LRP5: variants seen among roughly 807,000 people sequenced by gnomAD.
LRP5 encodes the protein low-density lipoprotein receptor-related protein 5.
In LRP5, 62 loss-of-function variants were observed where a neutral mutation model predicts 154.1. The ratio of observed to expected loss-of-function variants is 0.40; its 90% CI spans 0.33 to 0.50. The LOEUF is 0.50. Ranked by LOEUF, LRP5 falls within the 20% of genes least tolerant of loss-of-function variation. The pLI, the probability that LRP5 is intolerant of heterozygous loss-of-function variation, is 0.55. For missense variants in LRP5, 1,915 were observed against 2,336.7 expected, an observed-to-expected ratio of 0.82 and a Z score of 3.72; for synonymous variants, 966 against 1,011.5, an observed-to-expected ratio of 0.96 and a Z score of 0.85.
chr11:68,372,218 G>T (rs1306422970), intron 5 of LRP5, among the ~76,000 whole-genome samples: 1 of 151,902 alleles, frequency 6.6e-6, no homozygotes, highest in Non-Finnish European at 1.5e-5. Context: ...ACCCGGGACC[G>T]TGGCGGTGAG....
the LRP5 span, among the ~76,000 whole-genome samples, chr11:68,299,123 C>T: frequency 6.6e-6 from 1 of 152,222 alleles, no homozygotes; most frequent in Non-Finnish European, 1.5e-5. Context: ...TTGGACGTCC[C>T]AAGTCCATGC....
intron 17 of LRP5, 82 bp from the exon 18 acceptor site, chr11:68,433,520 C>A: frequency 8.0e-7 from 1 of 1,252,220 alleles, no homozygotes; most frequent in Non-Finnish European, 1.2e-6. Flanking sequence ...CTCTCAACTT[C>A]TGCTTTGAAG....
At chr11:68,299,479 GGCAGGGTGGAGTGCTCAGTGTAGACA>G in the LRP5 span, among the ~76,000 whole-genome samples, 17,660 of 145,542 alleles carry the variant, frequency 0.12, 1,097 homozygotes, top group Middle Eastern at 0.15. Context: ...CAGTGTAGAT[GGCAGGGTGGAGTGCTCAGTGTAGACA>G]GCAGGGTGGA....
At chr11:68,417,294 G>A (rs1316269070) in intron 13 of LRP5, among the ~76,000 whole-genome samples, 6 of 151,892 alleles carry the variant, frequency 4.0e-5, no homozygotes, top group Non-Finnish European at 8.8e-5. Flanking sequence ...CAGAGACGGA[G>A]GTGTGTGTGT....
intron 7 of LRP5, among the ~76,000 whole-genome samples, chr11:68,391,249 G>A (rs1412208547): frequency 2.6e-5 from 4 of 152,068 alleles, no homozygotes; most frequent in Non-Finnish European, 4.4e-5. Flanking sequence ...GATTACAGGC[G>A]TGAGCCACCG....
chr11:68,351,080 G>C (rs1049239995), intron 2 of LRP5, among the ~76,000 whole-genome samples: 1 of 152,194 alleles, frequency 6.6e-6, no homozygotes, highest in Non-Finnish European at 1.5e-5. Flanking sequence ...ATCTGAACCA[G>C]TCTGTGTGTA....
chr11:68,436,833 A>C, intron 18 of LRP5, 56 bp from the exon 19 acceptor site: 2 of 1,313,594 alleles, frequency 1.5e-6, no homozygotes, highest in Non-Finnish European at 2.2e-6. Flanking sequence ...TGTGCCCTGC[A>C]TGGTGGGCTG....
At chr11:68,333,367 C>T (rs112543354) in intron 1 of LRP5, among the ~76,000 whole-genome samples, 1 of 152,314 alleles carries the variant, frequency 6.6e-6, no homozygotes, top group African/African-American at 2.4e-5. Flanking sequence ...TTGTAGACAC[C>T]TGAACTTCAT....
chr11:68,410,133 A>C lies in LRP5; in HGVS notation c.2311A>C (p.Thr771Pro). The part of the protein sequence containing the change: ...DNPRSLALDP[T>P]KGYIYWTEWG... The stretch of plus-strand genomic sequence containing the variant: ...CCCGAGGTCGCTGGCCCTGGATCCC[A>C]CCAAGGGGTAAGTGTTTGCCTGTCC... Residue 771 changes from threonine (T) to proline (P), a missense_variant, in exon 10 of 23, where the codon ACC (threonine) becomes CCC (proline). By Grantham distance (38) the Thr-to-Pro change is conservative. Transcript: ENST00000294304. 3 of 1,613,488 alleles carry C rather than the reference A, an allele frequency of 1.9e-6. No individual in the cohort carries two copies. The South Asian group carries it at 3.3e-5, about 18-fold the overall frequency.
chr11:68,436,701 G>A (rs1039571789), intron 18 of LRP5, among the ~76,000 whole-genome samples, 188 bp from the exon 19 acceptor site: 4 of 152,200 alleles, frequency 2.6e-5, no homozygotes, highest in Non-Finnish European at 4.4e-5. Flanking sequence ...CCTCCCCTGC[G>A]TGGCATAGGC....
At chr11:68,439,693 G>C in intron 20 of LRP5, 84 bp from the exon 21 acceptor site, 1 of 1,428,236 alleles carries the variant, frequency 7.0e-7, no homozygotes, top group Admixed American at 1.9e-5. Flanking sequence ...TGGGTAGTGG[G>C]AGCAGAGGAG....
chr11:68,411,311 G>C (rs78943283), intron 10 of LRP5, 125 bp from the exon 11 acceptor site: 3 of 987,584 alleles, frequency 3.0e-6, no homozygotes, highest in Non-Finnish European at 4.5e-6. Flanking sequence ...CTTCCTGCGC[G>C]TGGCTTTCTC....
At position 68,426,071 on chromosome 11, in the gene LRP5, A is replaced by C. The variant is rs757337537; in HGVS notation, c.3521A>C (p.Gln1174Pro). The part of the protein sequence containing the change: ...GKHLYWIDRQ[Q>P]QMIERVEKTT... ...CATCTCTACTGGATCGACCGCCAGCAGCAGATGATCGAGCGTGTGGAGAAG... is the reference window on the plus strand; with the variant it reads ...CATCTCTACTGGATCGACCGCCAGCCGCAGATGATCGAGCGTGTGGAGAAG... The change falls in exon 16 of 23, where the codon CAG becomes CCG. Residue 1174 changes from glutamine to proline, a missense_variant. Around this residue, in one of 3 missense-constraint regions of LRP5, gnomAD observed 1,094 missense variants for 1,210.1 expected, o/e 0.90. Coordinates refer to ENST00000294304, the MANE Select transcript of LRP5 (RefSeq NM_002335.4). 9 of 1,613,784 alleles carry C rather than the reference A, an allele frequency of 5.6e-6. No individual in the cohort carries two copies. In the South Asian group the frequency reaches 9.9e-5, roughly 18 times the overall value.
intron 8 of LRP5, 89 bp from the exon 9 acceptor site, chr11:68,406,435 C>CACGGCAGCATTCATTGTGTGGCTT: frequency 7.2e-7 from 1 of 1,385,146 alleles, no homozygotes; most frequent in East Asian, 2.3e-5. Context: ...CTGTGTGGCT[C>CACGGCAGCATTCATTGTGTGGCTT]ACGGCAGCAT....
rs1428957440 is a variant in LRP5 at position 68,335,020 on chromosome 11, T to A, written c.92-12827T>A. On this transcript the variant is annotated intron_variant, in intron 1 of 22. Transcript: ENST00000294304. ...TCCTAGGGGAAACATCGGGCTAGGT[T>A]CCTGTGAGCCTCAGGTCACAACGTT... is the stretch of plus-strand genomic sequence containing the variant. Among the ~76,000 whole-genome samples the A allele has an allele frequency of 2.6e-5, 4 of 151,954 alleles. No homozygotes were observed. The East Asian group carries it at 7.7e-4, about 29-fold the overall frequency.
At chr11:68,405,080 C>A (rs546086874) in intron 8 of LRP5, among the ~76,000 whole-genome samples, 1 of 151,786 alleles carries the variant, frequency 6.6e-6, no homozygotes, top group Admixed American at 6.6e-5. Context: ...ATTGCTTGAA[C>A]CCAGGAGGTA....
chr11:68,357,764 C>A lies in LRP5; in HGVS notation c.603C>A (p.Thr201=). The A allele has an allele frequency of 6.2e-7, 1 of 1,614,102 alleles. No homozygotes were observed. The change falls in exon 3 of 23, where the codon ACC becomes ACA. Residue 201 remains threonine (T), a synonymous_variant. Transcript: ENST00000294304. The part of the protein sequence containing the change: ...DSDIYWPNGL[T]IDLEEQKLYW... Reference sequence around the variant, plus strand: ...ACATTTACTGGCCCAATGGACTGACCATCGACCTGGAGGAGCAGAAGCTCT... The same window carrying A: ...ACATTTACTGGCCCAATGGACTGACAATCGACCTGGAGGAGCAGAAGCTCT...
intron 1 of LRP5, among the ~76,000 whole-genome samples, chr11:68,337,618 C>T (rs1382452968): frequency 3.9e-5 from 6 of 151,976 alleles, no homozygotes; most frequent in South Asian, 4.2e-4. Flanking sequence ...CCACTCTAAC[C>T]GCAGCCAGAT....
chr11:68,383,263 G>A (rs796146134), intron 5 of LRP5, among the ~76,000 whole-genome samples: 3 of 152,200 alleles, frequency 2.0e-5, no homozygotes, highest in African/African-American at 4.8e-5. Context: ...GCCGGTTTCT[G>A]TCTGGCACTG....
Sources: allele counts gnomAD v4.1 joint callset (sites outside exome capture counted in the v4.1 genomes callset), GRCh38; gene constraint gnomAD v4.1.1; regional missense constraint gnomAD v4.1.1; transcripts MANE v1.5; gene names NCBI Gene and HGNC (gene_info 2026-07-23, HGNC 2026-07-21).